Variants in SRGAP1 observed in about 807,000 individuals in gnomAD.
The protein encoded by SRGAP1 is SLIT-ROBO Rho GTPase activating protein 1, also known as SLIT-ROBO Rho GTPase-activating protein 1.
A neutral mutation model predicts 121.9 loss-of-function variants in SRGAP1; 43 were observed. The ratio of observed to expected loss-of-function variants is 0.35; its 90% CI spans 0.28 to 0.46. The LOEUF (loss-of-function observed/expected upper bound fraction) is 0.46. Ranked by LOEUF, SRGAP1 falls within the 20% of genes least tolerant of loss-of-function variation. The pLI is 1.00. For synonymous variants in SRGAP1, 447 were observed against 485.4 expected (o/e 0.92, Z 1.04); for missense variants, 1,102 against 1,350.9 (o/e 0.82, Z 2.89).
chr12:63,933,614 ATGG>A (rs1356792085), intron 1 of SRGAP1, among the ~76,000 whole-genome samples: 1 of 152,230 alleles, frequency 6.6e-6, no homozygotes, highest in Non-Finnish European at 1.5e-5. Flanking sequence ...TATAGAAAAG[ATGG>A]TAAGTATCTT....
At chr12:64,005,995 G>C (rs1184879316) in intron 3 of SRGAP1, among the ~76,000 whole-genome samples, 1 of 152,172 alleles carries the variant, frequency 6.6e-6, no homozygotes, top group African/African-American at 2.4e-5. Flanking sequence ...TAGGAACTTA[G>C]ACTCTAGTAA....
At position 64,152,903 on chromosome 12, in the gene SRGAP1, GT is replaced by G; in HGVS notation, c.*10232del. The G allele has an allele frequency of 8.5e-6, 1 of 117,696 alleles. No individual in the cohort carries two copies. Among genetic ancestry groups the G allele is most frequent in the Non-Finnish European group, 1.7e-5 (1 of 60,484 alleles). The allele number at this position is 117,696 out of a possible 1,614,324, so 7.3% of individuals were successfully genotyped here. ...CTGGTCTCATGGAGTGTACTTCCTG[GT>G]ATGATTTAAAAAAAAAAAAAAAAAA... On this transcript the variant is annotated 3_prime_UTR_variant, in exon 22 of 22. Coordinates refer to ENST00000355086, the MANE Select transcript of SRGAP1 (RefSeq NM_020762.4).
intron 1 of SRGAP1, among the ~76,000 whole-genome samples, chr12:63,963,749 C>T (rs1055145983): frequency 3.3e-5 from 5 of 151,590 alleles, no homozygotes; most frequent in Admixed American, 1.3e-4. Context: ...TCTGGGAGAG[C>T]AACTTTTTAA....
chr12:64,116,328 ACAATGAAAAC>A (rs1386733641), intron 18 of SRGAP1, among the ~76,000 whole-genome samples: 1 of 151,930 alleles, frequency 6.6e-6, no homozygotes, highest in African/African-American at 2.4e-5. Flanking sequence ...AAATAACATT[ACAATGAAAAC>A]CAATGAAACC....
In SRGAP1 at chr12:64,127,893, T is replaced by G. The variant is rs2036721429; in HGVS notation, c.2573T>G (p.Val858Gly). 3 of 1,613,178 alleles carry G rather than the reference T, an allele frequency of 1.9e-6. No homozygotes were observed. Among genetic ancestry groups the G allele is most frequent in the Non-Finnish European group, 2.5e-6 (3 of 1,179,330 alleles). The change falls in exon 21 of 22, where the codon GTA becomes GGA. Residue 858 changes from valine to glycine, a missense_variant. Physicochemically the swap from Val to Gly is moderately radical, Grantham distance 109. Transcript: ENST00000355086. ...AAAAGAGGAGAGCCACCCCCTCCAGTAAGGCGTCCTGGCAGGACCAGTGAT... is the reference window on the plus strand; with the variant it reads ...AAAAGAGGAGAGCCACCCCCTCCAGGAAGGCGTCCTGGCAGGACCAGTGAT... ...QRKRGEPPPP[V>G]RRPGRTSDGH...
chr12:64,051,249 C>T (rs1224189591), intron 6 of SRGAP1, among the ~76,000 whole-genome samples: 1 of 152,190 alleles, frequency 6.6e-6, no homozygotes, highest in African/African-American at 2.4e-5. Flanking sequence ...CATACCACAA[C>T]ATCTATTTAA....
In SRGAP1 at chr12:63,880,547, T is replaced by C. The variant is rs182147571; in HGVS notation, c.67+35664T>C. ...CCACACCCAGCCAAACCTCTTTTTC[T>C]TTATAAATTACCCAGTCTCAAGTAT... On this transcript the variant is annotated intron_variant, in intron 1 of 21. Coordinates refer to ENST00000355086, the MANE Select transcript of SRGAP1 (RefSeq NM_020762.4). Among the ~76,000 whole-genome samples, 294 of 152,252 alleles carry C rather than the reference T, an allele frequency of 1.9e-3. 4 individuals carry two copies. Among genetic ancestry groups the C allele is most frequent in the Admixed American group, 0.016 (252 of 15,278 alleles).
At chr12:63,942,719 T>G (rs992865963) in intron 1 of SRGAP1, among the ~76,000 whole-genome samples, 1 of 152,226 alleles carries the variant, frequency 6.6e-6, no homozygotes, top group Non-Finnish European at 1.5e-5. Context: ...GAGCCTGGCC[T>G]CTTTCCTGTC....
In SRGAP1 at chr12:63,858,556, T is replaced by C. The variant is rs538874572; in HGVS notation, c.67+13673T>C. Among the ~76,000 whole-genome samples the C allele has an allele frequency of 1.4e-3, 208 of 152,314 alleles. 1 individual carries two copies. The highest frequency in any genetic ancestry group is 3.5e-3 in the South Asian group (17 of 4,828). On this transcript the variant is annotated intron_variant, in intron 1 of 21. Transcript: ENST00000355086. ...AGATTTTGAAACTTTGAAATATTTC[T>C]TTCATTGAGAGTTCAGTAGAACTGT... is the stretch of plus-strand genomic sequence containing the variant.
At chr12:64,112,272 A>G (rs1048262534) in intron 17 of SRGAP1, among the ~76,000 whole-genome samples, 4 of 152,212 alleles carry the variant, frequency 2.6e-5, no homozygotes, top group African/African-American at 9.6e-5. Flanking sequence ...AACTTTTATC[A>G]TTACATTAAA....
In SRGAP1 at chr12:64,131,533, G is replaced by A. The variant is rs544671259; in HGVS notation, c.2880+3333G>A. Among the ~76,000 whole-genome samples the A allele has an allele frequency of 3.9e-5, 6 of 152,252 alleles. No individual in the cohort carries two copies. In the East Asian group the frequency reaches 7.7e-4, roughly 20 times the overall value. On this transcript the variant is annotated intron_variant, in intron 21 of 21. Transcript: ENST00000355086. ...TGTAGTGCTGCAGCTGTCCACTTTC[G>A]GGTGGTGCCTGCATATCATGCAGAA... is the stretch of plus-strand genomic sequence containing the variant.
intron 1 of SRGAP1, among the ~76,000 whole-genome samples, chr12:63,931,142 G>T (rs1332452025): frequency 1.3e-5 from 2 of 152,056 alleles, no homozygotes; most frequent in African/African-American, 4.8e-5. Context: ...TTTTATTTTT[G>T]TAGTTTTGGC....
At chr12:64,016,783 A>C (rs1272931225) in intron 3 of SRGAP1, among the ~76,000 whole-genome samples, 167 bp from the exon 4 acceptor site, 2 of 152,202 alleles carry the variant, frequency 1.3e-5, no homozygotes, top group Non-Finnish European at 2.9e-5. Context: ...TATGGGGACC[A>C]TCTGTATACA....
chr12:64,048,540 A>G (rs1450761889), intron 6 of SRGAP1, among the ~76,000 whole-genome samples: 2 of 152,160 alleles, frequency 1.3e-5, no homozygotes, highest in Non-Finnish European at 2.9e-5. Flanking sequence ...GCTAGATGAT[A>G]TGATAACTCT....
chr12:63,999,015 T>C (rs11175227), intron 3 of SRGAP1, among the ~76,000 whole-genome samples: 49,268 of 151,872 alleles, frequency 0.32, 8,403 homozygotes, highest in East Asian at 0.51. Flanking sequence ...AGCATGTTAA[T>C]TGTACAGTAA....
chr12:64,035,072 A>G (rs1427184914), intron 4 of SRGAP1, among the ~76,000 whole-genome samples: 1 of 151,998 alleles, frequency 6.6e-6, no homozygotes, highest in East Asian at 1.9e-4. Flanking sequence ...GAAAAGAAAA[A>G]AAACTTTCTG....
At chr12:63,908,980 T>C (rs2030359920) in intron 1 of SRGAP1, among the ~76,000 whole-genome samples, 1 of 152,092 alleles carries the variant, frequency 6.6e-6, no homozygotes, top group African/African-American at 2.4e-5. Flanking sequence ...AACCTCTGCC[T>C]CCTGGGTTCA....
chr12:63,958,648 CTGGT>C (rs1359169572), intron 1 of SRGAP1, among the ~76,000 whole-genome samples: 1 of 152,138 alleles, frequency 6.6e-6, no homozygotes, highest in Non-Finnish European at 1.5e-5. Flanking sequence ...AAATAGGAGG[CTGGT>C]TGGCCAAATT....
At chr12:63,849,617 T>C (rs1437782295) in intron 1 of SRGAP1, among the ~76,000 whole-genome samples, 1 of 152,198 alleles carries the variant, frequency 6.6e-6, no homozygotes, top group Non-Finnish European at 1.5e-5. Context: ...CCAATTTGAT[T>C]TGGTATGGCC....
Sources: allele counts gnomAD v4.1 joint callset (sites outside exome capture counted in the v4.1 genomes callset), GRCh38; gene constraint gnomAD v4.1.1; transcripts MANE v1.5; gene names NCBI Gene and HGNC (gene_info 2026-07-23, HGNC 2026-07-21).